Variants in FAM114A1 observed in about 807,000 individuals in gnomAD.
FAM114A1 encodes protein NOXP20.
FAM114A1 carries 62 observed loss-of-function variants against 64.3 expected under a neutral mutation model. The ratio of observed to expected loss-of-function variants is 0.96; its 90% CI spans 0.79 to 1.19. The LOEUF is 1.19. Ranked by LOEUF, FAM114A1 falls within the 50% of genes most tolerant of loss-of-function variation. The pLI is 0.00. For synonymous variants in FAM114A1, 254 were observed against 251.1 expected, an observed-to-expected ratio of 1.01 and a Z score of -0.11; for missense variants, 645 against 676.3, an observed-to-expected ratio of 0.95 and a Z score of 0.51.
chr4:38,905,692 C>T, intron 5 of FAM114A1, 57 bp downstream of exon 5: 1 of 1,608,294 alleles, frequency 6.2e-7, no homozygotes, highest in Admixed American at 1.7e-5. Context: ...TGTGCATAAT[C>T]AGAGGTTTTC....
Position 38,911,060 on chromosome 4 carries a change from A to G in FAM114A1, c.792+2334A>G, listed in dbSNP as rs1382110337. On this transcript the variant is annotated intron_variant, in intron 7 of 14. Transcript: ENST00000358869. Reference sequence around the variant, plus strand: ...GGCAGGGAGACTGGTTAGAGTGACTATCAGTCTGTGCCCTCCCAGAAACAG... The same window carrying G: ...GGCAGGGAGACTGGTTAGAGTGACTGTCAGTCTGTGCCCTCCCAGAAACAG... Among the ~76,000 whole-genome samples, 3 of 152,324 alleles carry G rather than the reference A, an allele frequency of 2.0e-5. No individual in the cohort carries two copies. In the East Asian group the frequency reaches 5.8e-4, roughly 29 times the overall value.
chr4:38,942,122 C>A (rs1467071323), intron 14 of FAM114A1, among the ~76,000 whole-genome samples: 15 of 152,150 alleles, frequency 9.9e-5, no homozygotes, highest in African/African-American at 3.4e-4. Context: ...ACGGGAAAGA[C>A]CTGCCCCCAT....
intron 4 of FAM114A1, among the ~76,000 whole-genome samples, chr4:38,897,110 G>C (rs1005279755): frequency 1.3e-5 from 2 of 152,174 alleles, no homozygotes; most frequent in African/African-American, 4.8e-5. Context: ...TAATCTCTTG[G>C]AATGAGCACT....
intron 4 of FAM114A1, among the ~76,000 whole-genome samples, chr4:38,897,158 T>A (rs1421223264): frequency 6.6e-6 from 1 of 152,244 alleles, no homozygotes; most frequent in East Asian, 1.9e-4. Flanking sequence ...TGGTCCTGAA[T>A]GCTGCTAACT....
intron 9 of FAM114A1, among the ~76,000 whole-genome samples, chr4:38,925,518 A>G (rs1720022554): frequency 6.6e-6 from 1 of 152,218 alleles, no homozygotes; most frequent in Non-Finnish European, 1.5e-5. Flanking sequence ...TGTAAGCATT[A>G]TGTTCCTAAA....
chr4:38,942,024 CAGACA>C (rs1560339657), intron 14 of FAM114A1, among the ~76,000 whole-genome samples: 1 of 152,268 alleles, frequency 6.6e-6, no homozygotes, highest in East Asian at 1.9e-4. Context: ...CACATGGCTG[CAGACA>C]AGACAAGAGA....
intron 7 of FAM114A1, among the ~76,000 whole-genome samples, chr4:38,909,807 C>T (rs1430083261): frequency 1.3e-5 from 2 of 152,134 alleles, no homozygotes; most frequent in Non-Finnish European, 2.9e-5. Context: ...CATGGCAACC[C>T]CTAGAAGCTT....
chr4:38,923,156 A>T (rs9992489), intron 9 of FAM114A1, among the ~76,000 whole-genome samples: 1 of 151,748 alleles, frequency 6.6e-6, no homozygotes, highest in Non-Finnish European at 1.5e-5. Context: ...ATGTGAATGC[A>T]TATAGTCAGA....
intron 4 of FAM114A1, among the ~76,000 whole-genome samples, chr4:38,901,391 G>T (rs1013410168): frequency 6.6e-6 from 1 of 152,096 alleles, no homozygotes; most frequent in Non-Finnish European, 1.5e-5. Context: ...GGGTTCAAGC[G>T]ATTCTCCTGC....
chr4:38,898,101 A>G (rs1003102310), intron 4 of FAM114A1, among the ~76,000 whole-genome samples: 2 of 152,262 alleles, frequency 1.3e-5, no homozygotes, highest in African/African-American at 4.8e-5. Context: ...TAAAACATGT[A>G]TAAGTATACA....
intron 2 of FAM114A1, among the ~76,000 whole-genome samples, chr4:38,875,497 T>A (rs1413305885): frequency 2.0e-5 from 3 of 152,266 alleles, no homozygotes; most frequent in Non-Finnish European, 4.4e-5. Flanking sequence ...ATAGAAATGC[T>A]ACTGATTTTT....
At chr4:38,889,857 G>A (rs529448276) in intron 3 of FAM114A1, among the ~76,000 whole-genome samples, 9 of 152,234 alleles carry the variant, frequency 5.9e-5, no homozygotes, top group Admixed American at 1.3e-4. Flanking sequence ...GAGATAGGCA[G>A]CTACTTATGT....
At chr4:38,880,135 G>T (rs376829620) in intron 3 of FAM114A1, among the ~76,000 whole-genome samples, 2 of 104,156 alleles carry the variant, frequency 1.9e-5, no homozygotes, top group South Asian at 3.5e-4. Context: ...GAATAGAATA[G>T]AATAGAATAG....
intron 2 of FAM114A1, among the ~76,000 whole-genome samples, chr4:38,868,777 T>A (rs570796985): frequency 9.2e-5 from 14 of 152,202 alleles, no homozygotes; most frequent in Non-Finnish European, 2.1e-4. Context: ...ACAGGCTCTA[T>A]CCTCAGAGCC....
rs974135987 is a variant in FAM114A1, at chr4:38,931,740, A to T, written c.1323+128A>T. 9 of 981,636 alleles carry T rather than the reference A, an allele frequency of 9.2e-6. No individual in the cohort carries two copies. In the African/African-American group the frequency reaches 1.5e-4, roughly 16 times the overall value. The allele number at this position is 981,636 out of a possible 1,614,324, so 60.8% of individuals were successfully genotyped here. ...TCCGTGTTATAGAAATATAAGTTTGAGACCAGCCTGGCCAACATGGTGAAA... is the reference window on the plus strand; with the variant it reads ...TCCGTGTTATAGAAATATAAGTTTGTGACCAGCCTGGCCAACATGGTGAAA... On this transcript the variant is annotated intron_variant, in intron 11 of 14. Transcript: ENST00000358869.
At chr4:38,935,474 G>A (rs2109799019) in intron 12 of FAM114A1, among the ~76,000 whole-genome samples, 1 of 152,320 alleles carries the variant, frequency 6.6e-6, no homozygotes, top group East Asian at 1.9e-4. Context: ...AAGAGGTCAA[G>A]TGAGTTGGAT....
intron 3 of FAM114A1, among the ~76,000 whole-genome samples, chr4:38,886,794 G>T (rs1317601095): frequency 6.6e-6 from 1 of 151,912 alleles, no homozygotes. Context: ...CGGGCATGGT[G>T]GTGGGTGCCT....
intron 3 of FAM114A1, among the ~76,000 whole-genome samples, chr4:38,887,867 C>A (rs971368450): frequency 1.3e-5 from 2 of 152,130 alleles, no homozygotes; most frequent in African/African-American, 2.4e-5. Flanking sequence ...GTCATACTGA[C>A]CCCCTTTTTA....
chr4:38,937,293 A>G lies in FAM114A1; in HGVS notation c.1536+1503A>G, dbSNP rs1206581815. On this transcript the variant is annotated intron_variant, in intron 13 of 14. Coordinates refer to ENST00000358869, the MANE Select transcript of FAM114A1 (RefSeq NM_138389.4). ...TGGTATCAGGGCCTTGATCTCTCCA[A>G]AGCCTCTAGGATTCTTTCTTGCTTC... Among the ~76,000 whole-genome samples, 3 of 152,268 alleles carry G rather than the reference A, an allele frequency of 2.0e-5. No individual in the cohort carries two copies. The East Asian group carries it at 5.8e-4, about 29-fold the overall frequency.
Sources: gnomAD v4.1 joint callset for allele counts (sites outside exome capture counted in the v4.1 genomes callset) on GRCh38, gnomAD v4.1.1 for gene constraint, MANE v1.5 for transcripts, NCBI Gene and HGNC (gene_info 2026-07-23, HGNC 2026-07-21) for gene names.